Variants in CHRM3 observed in about 807,000 individuals in gnomAD.
CHRM3 encodes cholinergic receptor muscarinic 3.
A neutral mutation model predicts 41.8 loss-of-function variants in CHRM3; 11 were observed. The observed-to-expected ratio is 0.26, with a 90% CI of 0.17 to 0.44. The LOEUF (loss-of-function observed/expected upper bound fraction) is 0.44, where lower values mean the gene tolerates loss of function less well. CHRM3 is among the 20% of genes least tolerant of loss of function. The probability of loss-of-function intolerance (pLI) is 1.00; values close to 1 mark genes in which losing one functional copy is unlikely to be tolerated. For missense variants in CHRM3, 571 were observed against 745.4 expected, an observed-to-expected ratio of 0.77 and a Z score of 2.72; for synonymous variants, 297 against 301.4, an observed-to-expected ratio of 0.99 and a Z score of 0.15.
intron 2 of CHRM3, among the ~76,000 whole-genome samples, chr1:239,532,094 G>A (rs1449944743): frequency 8.4e-6 from 1 of 119,254 alleles, no homozygotes; most frequent in Admixed American, 9.9e-5. Flanking sequence ...CTCACTGCAA[G>A]CTCCGCCTCC....
intron 1 of CHRM3, among the ~76,000 whole-genome samples, chr1:239,440,762 C>T (rs1364778333): frequency 6.6e-6 from 1 of 152,142 alleles, no homozygotes; most frequent in Non-Finnish European, 1.5e-5. Context: ...GTTCTTCAGC[C>T]AATTAACAAA....
At chr1:239,548,532 G>C (rs1002545636) in intron 3 of CHRM3, among the ~76,000 whole-genome samples, 2 of 152,270 alleles carry the variant, frequency 1.3e-5, no homozygotes, top group Non-Finnish European at 2.9e-5. Context: ...TCTTCTTCTT[G>C]TTTATTTTTG....
rs1665518799 is a variant in CHRM3, at chr1:239,748,072, A to G, written c.-147+69784A>G. 6.6e-6 allele frequency among the ~76,000 whole-genome samples: 1 copy of G among 152,108 alleles called. No individual in the cohort carries two copies. The highest frequency in any genetic ancestry group is 1.5e-5 in the Non-Finnish European group (1 of 68,026). ...TGATATTTAAAGGAACACTGTGAAAATAGGAGTAAGGAAAAGCCCTTACAA... is the reference window on the plus strand; with the variant it reads ...TGATATTTAAAGGAACACTGTGAAAGTAGGAGTAAGGAAAAGCCCTTACAA... On this transcript the variant is annotated intron_variant, in intron 5 of 6. Coordinates refer to ENST00000676153, the MANE Select transcript of CHRM3 (RefSeq NM_001375978.1). The surrounding 1 kb of genome is among the most constrained non-coding windows in gnomAD (Gnocchi z 4.3).
chr1:239,743,788 CTTTTTTTTTTTTTTTTTT>C (rs10718514), intron 5 of CHRM3, among the ~76,000 whole-genome samples: 1 of 81,202 alleles, frequency 1.2e-5, no homozygotes, highest in Non-Finnish European at 2.3e-5. Flanking sequence ...TTTTTTTTTT[CTTTTTTTTTTTTTTTTTT>C]TTTTGAGGCA....
chr1:239,404,520 T>C (rs998851143), intron 1 of CHRM3, among the ~76,000 whole-genome samples: 4 of 150,420 alleles, frequency 2.7e-5, no homozygotes, highest in Non-Finnish European at 5.9e-5. Flanking sequence ...ATTAATAGCA[T>C]GGATTGGCAA....
chr1:239,655,497 A>T (rs893061326), intron 4 of CHRM3, among the ~76,000 whole-genome samples: 1 of 152,182 alleles, frequency 6.6e-6, no homozygotes, highest in Admixed American at 6.5e-5. Context: ...TTTCTAACAC[A>T]ATCTATTTGA....
chr1:239,685,561 A>C (rs1199176526), intron 5 of CHRM3, among the ~76,000 whole-genome samples: 1 of 152,090 alleles, frequency 6.6e-6, no homozygotes, highest in African/African-American at 2.4e-5. Context: ...AGTGGCTCAC[A>C]TCTGTAATCC....
intron 1 of CHRM3, among the ~76,000 whole-genome samples, chr1:239,451,806 A>T (rs188439382): frequency 2.0e-5 from 3 of 152,184 alleles, no homozygotes; most frequent in Admixed American, 1.3e-4. Context: ...GTACATACAT[A>T]TACATAAAAG....
chr1:239,879,693 G>A lies in CHRM3; in HGVS notation c.-19-27740G>A, dbSNP rs142077073. Among the ~76,000 whole-genome samples the A allele has an allele frequency of 4.1e-3, 617 of 152,316 alleles. 3 individuals carry two copies. The highest frequency in any genetic ancestry group is 6.8e-3 in the Middle Eastern group (2 of 294). On this transcript the variant is annotated intron_variant, in intron 6 of 6. Transcript: ENST00000676153. Reference sequence around the variant, plus strand: ...CGGCAGCAATGAAAGCAAGAGAGGAGAGAGAAATGCCCTCTTCCTTCTTGT... The same window carrying A: ...CGGCAGCAATGAAAGCAAGAGAGGAAAGAGAAATGCCCTCTTCCTTCTTGT...
chr1:239,761,107 C>T (rs1032357715), intron 5 of CHRM3, among the ~76,000 whole-genome samples: 2 of 151,988 alleles, frequency 1.3e-5, no homozygotes, highest in Non-Finnish European at 2.9e-5. Context: ...GGTTTCTTTG[C>T]GATGTTTAAT....
intron 5 of CHRM3, chr1:239,703,416 C>T (rs572685035): frequency 9.9e-5 from 15 of 152,230 alleles, no homozygotes; most frequent in South Asian, 6.2e-4. Flanking sequence ...TGAGGAGAAG[C>T]GTGGGAAATG....
intron 3 of CHRM3, among the ~76,000 whole-genome samples, chr1:239,572,921 C>G (rs1419942721): frequency 1.3e-5 from 2 of 152,164 alleles, no homozygotes; most frequent in Non-Finnish European, 2.9e-5. Flanking sequence ...TTATATCCCG[C>G]TTAGAATTTA....
intron 3 of CHRM3, among the ~76,000 whole-genome samples, chr1:239,598,331 T>A (rs986977273): frequency 6.6e-6 from 1 of 152,138 alleles, no homozygotes; most frequent in Non-Finnish European, 1.5e-5. Flanking sequence ...CTCCCTTGCA[T>A]CTAGAATGTT....
chr1:239,567,709 G>A (rs1661483383), intron 3 of CHRM3, among the ~76,000 whole-genome samples: 1 of 152,146 alleles, frequency 6.6e-6, no homozygotes, highest in African/African-American at 2.4e-5. Context: ...CTGAAGCATG[G>A]AGAGCACATT....
intron 6 of CHRM3, among the ~76,000 whole-genome samples, chr1:239,827,870 A>C (rs1307205142): frequency 6.6e-6 from 1 of 152,252 alleles, no homozygotes; most frequent in African/African-American, 2.4e-5. Context: ...TCTAAGTGTG[A>C]AAAACTAGAA....
chr1:239,585,204 C>A (rs991863553), intron 3 of CHRM3, among the ~76,000 whole-genome samples: 70 of 151,980 alleles, frequency 4.6e-4, no homozygotes, highest in Non-Finnish European at 1.5e-4. Context: ...GGATAATAAT[C>A]TGGAAATTCT....
At chr1:239,420,888 C>T (rs752922313) in intron 1 of CHRM3, among the ~76,000 whole-genome samples, 11 of 151,970 alleles carry the variant, frequency 7.2e-5, no homozygotes, top group African/African-American at 1.2e-4. Flanking sequence ...TAAATTATTC[C>T]GTCTCACATT....
In CHRM3 at chr1:239,408,845, C is replaced by A. The variant is rs544616093; in HGVS notation, c.-521+21618C>A. Among the ~76,000 whole-genome samples, 6 of 151,086 alleles carry A rather than the reference C, an allele frequency of 4.0e-5. No homozygotes were observed. In the East Asian group the frequency reaches 1.2e-3, roughly 30 times the overall value. ...CTGTGTTACCCAGGCTGGTCCTAAACTCCTGGACTCAAGCAGTCCTCCCGC... is the reference window on the plus strand; with the variant it reads ...CTGTGTTACCCAGGCTGGTCCTAAAATCCTGGACTCAAGCAGTCCTCCCGC... On this transcript the variant is annotated intron_variant, in intron 1 of 6. Transcript: ENST00000676153.
chr1:239,630,970 T>G (rs1669754269), intron 3 of CHRM3, among the ~76,000 whole-genome samples: 1 of 151,944 alleles, frequency 6.6e-6, no homozygotes, highest in Admixed American at 6.6e-5. Context: ...TCAGTTGCCC[T>G]CCCTTGTTGA....
Sources: gnomAD v4.1 joint callset for allele counts (sites outside exome capture counted in the v4.1 genomes callset) on GRCh38, gnomAD v4.1.1 for gene constraint, Gnocchi (gnomAD v3.1) non-coding constraint, MANE v1.5 for transcripts, NCBI Gene and HGNC (gene_info 2026-07-23, HGNC 2026-07-21) for gene names.